The following ASIC2 variants were observed in gnomAD, a reference collection of about 807,000 sequenced individuals.
ASIC2 encodes the protein acid sensing ion channel subunit 2, also known as acid-sensing ion channel 2.
In ASIC2, 25 loss-of-function variants were observed where a neutral mutation model predicts 57.3. That is an observed-to-expected ratio of 0.44 (90% CI 0.32 to 0.61). The LOEUF is 0.61. Among genes scored for constraint, ASIC2 ranks in the 20% least tolerant of loss-of-function variants. ASIC2 has a pLI of 0.06. For missense variants in ASIC2, 641 were observed against 738.1 expected, an observed-to-expected ratio of 0.87 and a Z score of 1.52; for synonymous variants, 319 against 307.5, an observed-to-expected ratio of 1.04 and a Z score of -0.39.
At chr17:33,605,765 A>G (rs1403761769) in intron 1 of ASIC2, among the ~76,000 whole-genome samples, 15 of 152,182 alleles carry the variant, frequency 9.9e-5, no homozygotes, top group Non-Finnish European at 2.1e-4. Flanking sequence ...CAAACCTTAG[A>G]CACAGCACGT....
chr17:34,026,728 C>A lies in ASIC2; in HGVS notation c.555+129250G>T, dbSNP rs58176276. Among the ~76,000 whole-genome samples, 837 of 152,246 alleles carry A rather than the reference C, an allele frequency of 5.5e-3. 9 individuals carry two copies. Among genetic ancestry groups the A allele is most frequent in the African/African-American group, 0.019 (797 of 41,546 alleles). ...GCCAAAGGTGGATGGGATGTCAGAC[C>A]ATTTAAGCCAATTCACCTCATTTTG... On this transcript the variant is annotated intron_variant, in intron 1 of 9. Transcript: ENST00000359872.
chr17:34,050,447 G>A (rs1001561472), intron 1 of ASIC2, among the ~76,000 whole-genome samples: 2 of 152,154 alleles, frequency 1.3e-5, no homozygotes, highest in East Asian at 3.9e-4. Context: ...AAAGCTGCCT[G>A]GCTGCACAAG....
At chr17:33,190,651 A>C (rs1298578459) in intron 1 of ASIC2, among the ~76,000 whole-genome samples, 1 of 152,208 alleles carries the variant, frequency 6.6e-6, no homozygotes, top group African/African-American at 2.4e-5. Context: ...AATAACCAAG[A>C]CTTTGTGGTA....
intron 1 of ASIC2, among the ~76,000 whole-genome samples, chr17:33,316,240 C>T (rs1322243242): frequency 3.3e-5 from 5 of 152,134 alleles, no homozygotes; most frequent in Non-Finnish European, 4.4e-5. Flanking sequence ...AAATACAGAC[C>T]TGAACATGTC....
intron 1 of ASIC2, among the ~76,000 whole-genome samples, chr17:33,333,025 C>T (rs1346553989): frequency 6.6e-6 from 1 of 152,242 alleles, no homozygotes; most frequent in East Asian, 1.9e-4. Context: ...CTATATGTAG[C>T]ATGTTCAATC....
intron 1 of ASIC2, among the ~76,000 whole-genome samples, chr17:33,573,044 G>A (rs1427968269): frequency 6.6e-6 from 1 of 152,214 alleles, no homozygotes; most frequent in Non-Finnish European, 1.5e-5. Flanking sequence ...CTCTTATGGT[G>A]TGAAACTATG....
intron 1 of ASIC2, among the ~76,000 whole-genome samples, chr17:33,966,516 G>C (rs532206036): frequency 6.6e-6 from 1 of 152,264 alleles, no homozygotes; most frequent in South Asian, 2.1e-4. Flanking sequence ...TAACATCATA[G>C]AATGTAACTC....
chr17:33,723,560 C>T (rs1909450726), intron 1 of ASIC2, among the ~76,000 whole-genome samples: 1 of 152,154 alleles, frequency 6.6e-6, no homozygotes, highest in African/African-American at 2.4e-5. Context: ...AACTCCTGGC[C>T]TCAAGTGATT....
At position 33,013,706 on chromosome 17, in the gene ASIC2, A is replaced by G. The variant is rs2091790429; in HGVS notation, c.*259T>C. 1 of 508,600 alleles carries G rather than the reference A, an allele frequency of 2.0e-6. No homozygotes were observed. Among genetic ancestry groups the G allele is most frequent in the Non-Finnish European group, 3.5e-6 (1 of 281,982 alleles). 31.5% of individuals were successfully genotyped at this position (508,600 alleles called of 1,614,324 possible). ...CAGGTGCTTTATACATCTGGCAGTG[A>G]GATGTGATGGCAGGTTCGTTCTTGG... On this transcript the variant is annotated 3_prime_UTR_variant, in exon 10 of 10. Coordinates refer to ENST00000225823, the MANE Select transcript of ASIC2 (RefSeq NM_183377.2).
chr17:34,096,819 T>C (rs1432278476), intron 1 of ASIC2, among the ~76,000 whole-genome samples: 1 of 120,232 alleles, frequency 8.3e-6, no homozygotes, highest in Non-Finnish European at 1.6e-5. Context: ...ATCATGCCAC[T>C]GCACTCCAGC....
At chr17:34,031,824 A>G (rs1404217895) in intron 1 of ASIC2, among the ~76,000 whole-genome samples, 1 of 152,222 alleles carries the variant, frequency 6.6e-6, no homozygotes, top group East Asian at 1.9e-4. Context: ...AAAGAATAAA[A>G]AGAAACAAAC....
intron 1 of ASIC2, among the ~76,000 whole-genome samples, chr17:33,775,086 A>G (rs1911224559): frequency 6.6e-6 from 1 of 152,224 alleles, no homozygotes; most frequent in South Asian, 2.1e-4. Context: ...AAGGCTTGGA[A>G]GCGATCCCAT....
At chr17:33,416,331 A>G (rs963576063) in intron 1 of ASIC2, among the ~76,000 whole-genome samples, 9 of 152,214 alleles carry the variant, frequency 5.9e-5, no homozygotes, top group African/African-American at 9.7e-5. Flanking sequence ...TGCACCATTC[A>G]TCATGGCAGT....
At chr17:33,268,822 C>T (rs531295329) in intron 1 of ASIC2, among the ~76,000 whole-genome samples, 34 of 152,192 alleles carry the variant, frequency 2.2e-4, no homozygotes, top group Middle Eastern at 3.2e-3. Context: ...TGCCGCTTCA[C>T]CTAGTTCACA....
chr17:33,118,841 C>A (rs532321925), intron 1 of ASIC2, among the ~76,000 whole-genome samples: 60 of 152,162 alleles, frequency 3.9e-4, no homozygotes, highest in African/African-American at 1.3e-3. Context: ...GGCTAGGATC[C>A]TTTTCCTGGA....
At chr17:33,879,317 T>C (rs441247) in intron 1 of ASIC2, among the ~76,000 whole-genome samples, 1 of 152,008 alleles carries the variant, frequency 6.6e-6, no homozygotes, top group African/African-American at 2.4e-5. Context: ...ACTGGCAAAT[T>C]GGATAAAAAG....
At chr17:33,517,057 CT>C (rs1914594365) in intron 1 of ASIC2, among the ~76,000 whole-genome samples, 1 of 152,212 alleles carries the variant, frequency 6.6e-6, no homozygotes, top group East Asian at 1.9e-4. Context: ...TGTTTCTTTG[CT>C]TTGGGAAATG....
At chr17:33,076,690 G>A (rs187365597) in intron 3 of ASIC2, among the ~76,000 whole-genome samples, 5 of 152,200 alleles carry the variant, frequency 3.3e-5, no homozygotes, top group South Asian at 2.1e-4. Context: ...GTATTGTTCC[G>A]CAATTTGATT....
chr17:33,579,418 CAAG>C (rs1247990902), intron 1 of ASIC2, among the ~76,000 whole-genome samples: 2 of 151,774 alleles, frequency 1.3e-5, no homozygotes, highest in African/African-American at 4.8e-5. Flanking sequence ...AGGTAGAAAA[CAAG>C]GAGATATAGA....
Sources: gnomAD v4.1 joint callset for allele counts (sites outside exome capture counted in the v4.1 genomes callset) on GRCh38, gnomAD v4.1.1 for gene constraint, MANE v1.5 for transcripts, NCBI Gene and HGNC (gene_info 2026-07-23, HGNC 2026-07-21) for gene names.